The following HDAC9 variants were observed in gnomAD, a reference collection of about 807,000 sequenced individuals.
The protein encoded by HDAC9 is MEF-2 interacting transcription repressor (MITR) protein.
A neutral mutation model predicts 139.4 loss-of-function variants in HDAC9; 41 were observed. The ratio of observed to expected loss-of-function variants is 0.29; its 90% CI spans 0.23 to 0.38. The LOEUF is 0.38. HDAC9 is among the 10% of genes least tolerant of loss of function. The probability of loss-of-function intolerance (pLI) is 1.00; values close to 1 mark genes in which losing one functional copy is unlikely to be tolerated. For missense variants in HDAC9, 1,147 were observed against 1,297.0 expected, an observed-to-expected ratio of 0.88 and a Z score of 1.78; for synonymous variants, 517 against 476.2, an observed-to-expected ratio of 1.09 and a Z score of -1.12.
intron 1 of HDAC9, among the ~76,000 whole-genome samples, chr7:18,345,409 A>G (rs1287630296): frequency 6.6e-6 from 1 of 151,978 alleles, no homozygotes; most frequent in Non-Finnish European, 1.5e-5. Context: ...ATATATTAGA[A>G]CAAATATCTG....
At chr7:18,721,604 A>G (rs1406985804) in intron 12 of HDAC9, among the ~76,000 whole-genome samples, 2 of 152,194 alleles carry the variant, frequency 1.3e-5, no homozygotes, top group African/African-American at 4.8e-5. Context: ...GCTAAAGTCC[A>G]TGATGATATT....
chr7:18,667,214 C>G, intron 12 of HDAC9: 2 of 985,114 alleles, frequency 2.0e-6, no homozygotes, highest in Non-Finnish European at 2.4e-6. Context: ...CACTGTCTAT[C>G]AAAAAAGAGC....
chr7:18,989,485 C>T (rs1785675817), intron 25 of HDAC9, among the ~76,000 whole-genome samples: 2 of 150,714 alleles, frequency 1.3e-5, no homozygotes, highest in South Asian at 4.2e-4. Flanking sequence ...CTGCCCTTAA[C>T]ATTTTTTCCT....
intron 17 of HDAC9, among the ~76,000 whole-genome samples, chr7:18,824,084 G>GAAGAACAAGAAC (rs1375189154): frequency 6.9e-6 from 1 of 144,268 alleles, no homozygotes; most frequent in African/African-American, 2.8e-5. Flanking sequence ...AGAAGAAGAA[G>GAAGAACAAGAAC]AAGAACAAGA....
intron 13 of HDAC9, among the ~76,000 whole-genome samples, chr7:18,738,683 G>A (rs147015196): frequency 0.042 from 6,400 of 152,224 alleles, 289 homozygotes; most frequent in East Asian, 0.1. Flanking sequence ...GTGTCTGGCT[G>A]CCCTTAACAC....
At chr7:18,719,143 C>G (rs1784932924) in intron 12 of HDAC9, among the ~76,000 whole-genome samples, 1 of 151,934 alleles carries the variant, frequency 6.6e-6, no homozygotes, top group African/African-American at 2.4e-5. Context: ...AATTGGATTG[C>G]CTGTTAGTAT....
intron 2 of HDAC9, among the ~76,000 whole-genome samples, chr7:18,497,676 T>C (rs1480727835): frequency 7.2e-5 from 11 of 152,190 alleles, no homozygotes; most frequent in Admixed American, 5.9e-4. Context: ...AACAGGTATG[T>C]CTCTAATGGG....
chr7:18,764,244 G>A (rs1417649085), intron 15 of HDAC9, among the ~76,000 whole-genome samples: 1 of 151,996 alleles, frequency 6.6e-6, no homozygotes, highest in Non-Finnish European at 1.5e-5. Context: ...AAATAAATTA[G>A]CCATTTATCT....
intron 2 of HDAC9, chr7:18,543,176 T>A (rs956295214): frequency 6.6e-6 from 1 of 152,180 alleles, no homozygotes; most frequent in Non-Finnish European, 1.5e-5. Flanking sequence ...TAGGTTTCCT[T>A]CCAAATTCTC....
At chr7:18,979,347 A>G (rs1784749520) in intron 25 of HDAC9, among the ~76,000 whole-genome samples, 1 of 152,170 alleles carries the variant, frequency 6.6e-6, no homozygotes, top group Non-Finnish European at 1.5e-5. Flanking sequence ...TATTAAATAT[A>G]CATTCATATC....
At chr7:18,092,602 G>A (rs372683266) in intron 1 of HDAC9, among the ~76,000 whole-genome samples, 27 of 152,186 alleles carry the variant, frequency 1.8e-4, no homozygotes, top group African/African-American at 6.0e-4. Flanking sequence ...TAATAATGGG[G>A]TCCCATTGTC....
chr7:18,728,970 T>C (rs1247009800), intron 13 of HDAC9, among the ~76,000 whole-genome samples: 2 of 152,192 alleles, frequency 1.3e-5, no homozygotes, highest in Non-Finnish European at 2.9e-5. Flanking sequence ...ACTCTTCTAC[T>C]TCCAGGAGCA....
At chr7:18,834,606 G>C (rs1320249792) in intron 19 of HDAC9, among the ~76,000 whole-genome samples, 2 of 150,392 alleles carry the variant, frequency 1.3e-5, no homozygotes, top group Admixed American at 6.7e-5. Flanking sequence ...TGTAAAGAAA[G>C]CTATGATATG....
chr7:18,518,528 C>T (rs184152415), intron 2 of HDAC9, among the ~76,000 whole-genome samples: 104 of 152,256 alleles, frequency 6.8e-4, no homozygotes, highest in Admixed American at 4.5e-3. Context: ...GCATAGATTA[C>T]AAGCAGGGGA....
intron 17 of HDAC9, among the ~76,000 whole-genome samples, chr7:18,816,385 C>T (rs1018725638): frequency 1.3e-5 from 2 of 152,186 alleles, no homozygotes; most frequent in African/African-American, 4.8e-5. Context: ...TAGAACACAT[C>T]AAGGATCCAT....
At chr7:18,828,661 T>C (rs1351459929) in intron 17 of HDAC9, among the ~76,000 whole-genome samples, 1 of 152,170 alleles carries the variant, frequency 6.6e-6, no homozygotes, top group Non-Finnish European at 1.5e-5. Context: ...CTTTTGTGTC[T>C]ATGTGAGTGT....
At chr7:18,515,380 AT>A (rs1162616602) in intron 2 of HDAC9, among the ~76,000 whole-genome samples, 2 of 151,864 alleles carry the variant, frequency 1.3e-5, no homozygotes, top group East Asian at 1.9e-4. Context: ...TGAGAATGAA[AT>A]TTTTTTTTAG....
At chr7:18,710,344 A>G (rs1291809290) in intron 12 of HDAC9, among the ~76,000 whole-genome samples, 1 of 152,200 alleles carries the variant, frequency 6.6e-6, no homozygotes, top group Non-Finnish European at 1.5e-5. Flanking sequence ...CAATCTGTTA[A>G]TGTTTCATCT....
intron 11 of HDAC9, among the ~76,000 whole-genome samples, chr7:18,663,398 T>C (rs977005337): frequency 6.6e-6 from 1 of 152,006 alleles, no homozygotes; most frequent in Non-Finnish European, 1.5e-5. Context: ...AGTTATTGAA[T>C]ATTTCCTGTA....
Sources: allele counts gnomAD v4.1 joint callset (sites outside exome capture counted in the v4.1 genomes callset), GRCh38; gene constraint gnomAD v4.1.1; transcripts MANE v1.5; gene names NCBI Gene and HGNC (gene_info 2026-07-23, HGNC 2026-07-21).